The following ASAP2 variants were observed in gnomAD, a reference collection of about 807,000 sequenced individuals.
The protein encoded by ASAP2 is ArfGAP with SH3 domain, ankyrin repeat and PH domain 2, also known as arf-GAP with SH3 domain, ANK repeat and PH domain-containing protein 2.
A neutral mutation model predicts 131.4 loss-of-function variants in ASAP2; 45 were observed. The observed-to-expected ratio is 0.34, with a 90% CI of 0.27 to 0.44. The LOEUF (loss-of-function observed/expected upper bound fraction) is 0.44, where lower values mean the gene tolerates loss of function less well. Among genes scored for constraint, ASAP2 ranks in the 20% least tolerant of loss-of-function variants. The pLI is 1.00. For missense variants in ASAP2, 1,011 were observed against 1,297.0 expected (o/e 0.78, Z 3.39); for synonymous variants, 510 against 503.0 (o/e 1.01, Z -0.19).
intron 7 of ASAP2, among the ~76,000 whole-genome samples, chr2:9,334,018 C>CTCTCTG (rs113719312): frequency 0.027 from 4,003 of 146,290 alleles, 161 homozygotes; most frequent in African/African-American, 0.088. Flanking sequence ...ATTTCTCTCT[C>CTCTCTG]TCTCTGTCTC....
chr2:9,307,932 G>A (rs1471016493), intron 3 of ASAP2, among the ~76,000 whole-genome samples: 3 of 152,152 alleles, frequency 2.0e-5, no homozygotes, highest in Non-Finnish European at 4.4e-5. Flanking sequence ...GGGAGTGTGT[G>A]CATACGTGTG....
intron 9 of ASAP2, among the ~76,000 whole-genome samples, chr2:9,336,363 G>T (rs763702748): frequency 3.2e-4 from 49 of 151,940 alleles, no homozygotes; most frequent in Non-Finnish European, 6.2e-4. Context: ...CCCACCTCTG[G>T]AGCGCTGCCT....
At chr2:9,212,442 A>C (rs1303412051) in intron 1 of ASAP2, among the ~76,000 whole-genome samples, 2 of 151,994 alleles carry the variant, frequency 1.3e-5, no homozygotes, top group African/African-American at 4.8e-5. Flanking sequence ...CTAAGGCACT[A>C]AGCTGGTTCA....
chr2:9,388,243 G>A, intron 21 of ASAP2, 51 bp from the exon 22 acceptor site: 1 of 1,604,298 alleles, frequency 6.2e-7, no homozygotes, highest in Non-Finnish European at 8.5e-7. Flanking sequence ...GTTATCACCA[G>A]GAGCAGTTCA....
At chr2:9,362,577 G>A (rs189816093) in intron 15 of ASAP2, among the ~76,000 whole-genome samples, 88 of 152,212 alleles carry the variant, frequency 5.8e-4, no homozygotes, top group Non-Finnish European at 6.5e-4. Context: ...GGTGGCCGGC[G>A]CCTGTAATCC....
At chr2:9,396,055 C>T (rs910596965) in intron 24 of ASAP2, among the ~76,000 whole-genome samples, 2 of 152,084 alleles carry the variant, frequency 1.3e-5, no homozygotes, top group African/African-American at 4.8e-5. Flanking sequence ...GCTTCCTGTC[C>T]TTAGTAGGTT....
At chr2:9,385,144 CT>C in intron 20 of ASAP2, 100 bp from the exon 21 acceptor site, 2 of 826,514 alleles carry the variant, frequency 2.4e-6, no homozygotes, top group South Asian at 1.7e-5. Flanking sequence ...ATGCATTTGC[CT>C]TGGACTAGAA....
intron 1 of ASAP2, among the ~76,000 whole-genome samples, chr2:9,263,097 A>AG (rs1665691043): frequency 6.6e-6 from 1 of 150,486 alleles, no homozygotes; most frequent in South Asian, 2.1e-4. Flanking sequence ...CCACGGCTGG[A>AG]GGGCCTGGCC....
rs1171513246 is a variant in ASAP2, at chr2:9,401,493, C to G, written c.2946+97C>G. On this transcript the variant is annotated intron_variant, in intron 27 of 27. Transcript: ENST00000281419. ...GGCTTGCAGGTGAGGTTTTCTCAGC[C>G]TGAGCAGTCCAGATGTAGTTCCTGG... is the stretch of plus-strand genomic sequence containing the variant. 6 of 1,479,568 alleles carry G rather than the reference C, an allele frequency of 4.1e-6. No homozygotes were observed. The Middle Eastern group carries it at 7.3e-4, about 180-fold the overall frequency. 91.7% of individuals were successfully genotyped at this position (1,479,568 alleles called of 1,614,324 possible).
At chr2:9,360,512 C>A (rs981153447) in intron 15 of ASAP2, among the ~76,000 whole-genome samples, 4 of 152,216 alleles carry the variant, frequency 2.6e-5, no homozygotes, top group African/African-American at 9.6e-5. Flanking sequence ...TCTCTACTGT[C>A]CTTCCCTATC....
At chr2:9,396,787 A>T (rs940242294) in intron 24 of ASAP2, among the ~76,000 whole-genome samples, 1 of 152,210 alleles carries the variant, frequency 6.6e-6, no homozygotes. Context: ...GGATCACTTG[A>T]AGCCAAGAGT....
rs553839819 is a variant in ASAP2, at chr2:9,299,658, G to A, written c.345+2213G>A. ...AAGCAGGGGGCCTAGAAAGCAGCCA[G>A]CCCAGGACGGCTGACGACGTAGGAG... is the stretch of plus-strand genomic sequence containing the variant. On this transcript the variant is annotated intron_variant, in intron 3 of 27. Transcript: ENST00000281419. Among the ~76,000 whole-genome samples, 36 of 152,326 alleles carry A rather than the reference G, an allele frequency of 2.4e-4. 1 individual carries two copies. In the East Asian group the frequency reaches 6.6e-3, roughly 28 times the overall value.
chr2:9,382,953 T>C (rs1050518187), intron 20 of ASAP2, among the ~76,000 whole-genome samples: 2 of 152,182 alleles, frequency 1.3e-5, no homozygotes, highest in Non-Finnish European at 2.9e-5. Flanking sequence ...GAATTATTAC[T>C]CAACTGTGTC....
At chr2:9,266,029 C>G (rs1665917318) in intron 1 of ASAP2, among the ~76,000 whole-genome samples, 1 of 152,226 alleles carries the variant, frequency 6.6e-6, no homozygotes, top group Admixed American at 6.5e-5. Flanking sequence ...CCCCCCACCC[C>G]CTGCCTTGGC....
chr2:9,232,190 C>T lies in ASAP2; in HGVS notation c.126+24960C>T, dbSNP rs1663214513. Among the ~76,000 whole-genome samples the T allele has an allele frequency of 6.6e-6, 1 of 152,138 alleles. No individual in the cohort carries two copies. Among genetic ancestry groups the T allele is most frequent in the Admixed American group, 6.5e-5 (1 of 15,284 alleles). ...CTCTGGGTCCTTCTCCTTTGTTGACCTGGCCCCTGCCTCCCTCCCACCCCA... is the reference window on the plus strand; with the variant it reads ...CTCTGGGTCCTTCTCCTTTGTTGACTTGGCCCCTGCCTCCCTCCCACCCCA... On this transcript the variant is annotated intron_variant, in intron 1 of 27. Coordinates refer to ENST00000281419, the MANE Select transcript of ASAP2 (RefSeq NM_003887.3). This position sits in a 1 kb window ranked among gnomAD's most constrained non-coding sequence, Gnocchi z 4.1.
chr2:9,241,666 T>A (rs1663977881), intron 1 of ASAP2, among the ~76,000 whole-genome samples: 1 of 152,182 alleles, frequency 6.6e-6, no homozygotes, highest in Admixed American at 6.5e-5. Context: ...AACTAATTGC[T>A]TTAAGTAAAT....
At chr2:9,256,697 C>G (rs1448735765) in intron 1 of ASAP2, among the ~76,000 whole-genome samples, 1 of 152,216 alleles carries the variant, frequency 6.6e-6, no homozygotes, top group Non-Finnish European at 1.5e-5. Flanking sequence ...CTGCCAATTT[C>G]AAATGAATGA....
At chr2:9,210,655 T>C (rs974509418) in intron 1 of ASAP2, among the ~76,000 whole-genome samples, 2 of 151,670 alleles carry the variant, frequency 1.3e-5, no homozygotes, top group Non-Finnish European at 2.9e-5. Context: ...CCCAGGTTCA[T>C]GCCATTCTCC....
At chr2:9,361,950 C>T (rs181496095) in intron 15 of ASAP2, among the ~76,000 whole-genome samples, 2 of 148,200 alleles carry the variant, frequency 1.3e-5, no homozygotes, top group African/African-American at 5.0e-5. Flanking sequence ...GTCTTTTTAC[C>T]TCTTTATCTT....
Sources: gnomAD v4.1 joint callset for allele counts (sites outside exome capture counted in the v4.1 genomes callset) on GRCh38, gnomAD v4.1.1 for gene constraint, Gnocchi (gnomAD v3.1) non-coding constraint, MANE v1.5 for transcripts, NCBI Gene and HGNC (gene_info 2026-07-23, HGNC 2026-07-21) for gene names.